MKLN1: variants seen among roughly 807,000 people sequenced by gnomAD.
The protein encoded by MKLN1 is muskelin 1.
In MKLN1, 18 loss-of-function variants were observed where a neutral mutation model predicts 99.0. The ratio of observed to expected loss-of-function variants is 0.18; its 90% CI spans 0.13 to 0.27. MKLN1 has a LOEUF of 0.27. Ranked by LOEUF, MKLN1 falls within the 10% of genes least tolerant of loss-of-function variation. The probability of loss-of-function intolerance (pLI) is 1.00; values close to 1 mark genes in which losing one functional copy is unlikely to be tolerated. For synonymous variants in MKLN1, 288 were observed against 293.2 expected (o/e 0.98, Z 0.18); for missense variants, 621 against 875.9 (o/e 0.71, Z 3.67).
At chr7:131,264,908 G>A (rs191336113) in intron 3 of MKLN1, among the ~76,000 whole-genome samples, 10 of 152,062 alleles carry the variant, frequency 6.6e-5, no homozygotes, top group South Asian at 4.2e-4. Context: ...GTGCAATCTC[G>A]GCTCACTGCA....
chr7:131,439,801 A>G (rs1028555317), intron 10 of MKLN1, among the ~76,000 whole-genome samples: 2 of 152,014 alleles, frequency 1.3e-5, no homozygotes, highest in African/African-American at 4.8e-5. Context: ...TTAGTTCTCA[A>G]GCTTTCCTTG....
At chr7:131,277,170 G>T (rs1275218752) in intron 3 of MKLN1, among the ~76,000 whole-genome samples, 1 of 152,126 alleles carries the variant, frequency 6.6e-6, no homozygotes, top group Non-Finnish European at 1.5e-5. Flanking sequence ...GGAAGGGAAC[G>T]GTGAACAGAG....
chr7:131,415,782 A>G (rs1477343306), intron 8 of MKLN1, among the ~76,000 whole-genome samples: 1 of 152,208 alleles, frequency 6.6e-6, no homozygotes, highest in East Asian at 1.9e-4. Context: ...AGCTAGATTT[A>G]TATACAAACT....
chr7:131,402,833 C>A (rs1407873156), intron 6 of MKLN1, among the ~76,000 whole-genome samples: 3 of 152,130 alleles, frequency 2.0e-5, no homozygotes, highest in African/African-American at 4.8e-5. Context: ...TTCAGTAAAC[C>A]ATTCTGTACA....
intron 3 of MKLN1, among the ~76,000 whole-genome samples, chr7:131,265,733 C>CA (rs894577145): frequency 2.0e-5 from 3 of 152,010 alleles, no homozygotes; most frequent in Non-Finnish European, 2.9e-5. Context: ...TCTAGTACTT[C>CA]AAAAAAAGCC....
chr7:131,383,968 G>C (rs1458529742), intron 2 of MKLN1, among the ~76,000 whole-genome samples: 1 of 152,118 alleles, frequency 6.6e-6, no homozygotes, highest in East Asian at 1.9e-4. Context: ...ATGTTAATCA[G>C]ATCATAGCTT....
intron 3 of MKLN1, among the ~76,000 whole-genome samples, chr7:131,222,333 C>A (rs985939713): frequency 1.3e-5 from 2 of 152,202 alleles, no homozygotes; most frequent in South Asian, 4.1e-4. Flanking sequence ...CCAGCTGTTA[C>A]TTCTCTGGTT....
chr7:131,476,884 T>C (rs1489015013), intron 16 of MKLN1, among the ~76,000 whole-genome samples: 3 of 152,188 alleles, frequency 2.0e-5, no homozygotes, highest in Non-Finnish European at 2.9e-5. Context: ...GGCTTAAGGA[T>C]AGACAAATGG....
intron 1 of MKLN1, among the ~76,000 whole-genome samples, chr7:131,137,607 C>T (rs1306532898): frequency 6.6e-6 from 1 of 152,140 alleles, no homozygotes; most frequent in Non-Finnish European, 1.5e-5. Context: ...TGGAGTCTTG[C>T]TCTGTTGCTG....
chr7:131,252,936 T>G (rs1165760416), intron 3 of MKLN1, among the ~76,000 whole-genome samples: 1 of 152,186 alleles, frequency 6.6e-6, no homozygotes, highest in African/African-American at 2.4e-5. Context: ...CAACCAACCT[T>G]GGATAGGAGC....
At chr7:131,352,377 AC>A (rs772877424) in intron 1 of MKLN1, among the ~76,000 whole-genome samples, 13 of 152,212 alleles carry the variant, frequency 8.5e-5, no homozygotes, top group Non-Finnish European at 1.8e-4. Flanking sequence ...ACTTAATGTT[AC>A]CAGATTGTCA....
At chr7:131,118,030 G>T (rs1006053967) in intron 1 of MKLN1, among the ~76,000 whole-genome samples, 2 of 152,192 alleles carry the variant, frequency 1.3e-5, no homozygotes, top group African/African-American at 2.4e-5. Flanking sequence ...AATGTTGGAG[G>T]TGGGGCCTGG....
chr7:131,269,911 TTTTTA>T (rs970504820), intron 3 of MKLN1, among the ~76,000 whole-genome samples: 34 of 152,182 alleles, frequency 2.2e-4, no homozygotes, highest in African/African-American at 6.7e-4. Flanking sequence ...TTTCTTTTTC[TTTTTA>T]TTTTATTTTA....
chr7:131,150,666 C>T (rs1012182754), intron 2 of MKLN1, among the ~76,000 whole-genome samples: 1 of 151,750 alleles, frequency 6.6e-6, no homozygotes, highest in African/African-American at 2.4e-5. Flanking sequence ...ACAGATGGAC[C>T]CAAATCAAAA....
Position 131,173,978 on chromosome 7 carries a change from T to C in MKLN1, c.-296-28879T>C, listed in dbSNP as rs1353930926. Among the ~76,000 whole-genome samples, 10 of 145,890 alleles carry C rather than the reference T, an allele frequency of 6.9e-5. 1 individual carries two copies. The highest frequency in any genetic ancestry group is 6.1e-4 in the Admixed American group (9 of 14,776). On this transcript the variant is annotated intron_variant, in intron 2 of 7. Coordinates refer to the MKLN1 transcript ENST00000416992. ...TTTAAAGACCTTTTTCTTTTTCTTT[T>C]TTTTTTTTTTTTGAGACGGGAGTCT...
intron 3 of MKLN1, among the ~76,000 whole-genome samples, chr7:131,282,579 A>G (rs922276699): frequency 8.5e-5 from 13 of 152,160 alleles, no homozygotes; most frequent in African/African-American, 2.9e-4. Context: ...TAGGAGAAAT[A>G]GAGGAGGAGG....
At chr7:131,476,878 T>G (rs1796981951) in intron 16 of MKLN1, among the ~76,000 whole-genome samples, 1 of 152,194 alleles carries the variant, frequency 6.6e-6, no homozygotes, top group Non-Finnish European at 1.5e-5. Context: ...GGTACTGGCT[T>G]AAGGATAGAC....
chr7:131,358,072 T>C (rs552933477), intron 1 of MKLN1, among the ~76,000 whole-genome samples: 26 of 152,294 alleles, frequency 1.7e-4, no homozygotes, highest in South Asian at 8.3e-4. Flanking sequence ...GCTTATCTTA[T>C]TGGATTTAGC....
At chr7:131,282,349 CAAAAAAAAAAAA>C (rs1001483569) in intron 3 of MKLN1, among the ~76,000 whole-genome samples, 1 of 65,684 alleles carries the variant, frequency 1.5e-5, no homozygotes, top group South Asian at 5.2e-4. Context: ...AACTCCGTCT[CAAAAAAAAAAAA>C]AAAAAAAAGA....
Sources: gnomAD v4.1 joint callset for allele counts (sites outside exome capture counted in the v4.1 genomes callset) on GRCh38, gnomAD v4.1.1 for gene constraint, MANE v1.5 for transcripts, NCBI Gene and HGNC (gene_info 2026-07-23, HGNC 2026-07-21) for gene names.